Variants in SERINC2 observed in about 807,000 individuals in gnomAD.
SERINC2 encodes serine incorporator 2, also known as tumor differentially expressed protein 2.
SERINC2 carries 56 observed loss-of-function variants against 54.2 expected under a neutral mutation model. That is an observed-to-expected ratio of 1.03 (90% CI 0.83 to 1.29). SERINC2 has a LOEUF of 1.29. Among genes scored for constraint, SERINC2 ranks in the 50% most tolerant of loss-of-function variants. The probability of loss-of-function intolerance (pLI) is 0.00; values close to 1 mark genes in which losing one functional copy is unlikely to be tolerated. For synonymous variants in SERINC2, 272 were observed against 253.1 expected (o/e 1.07, Z -0.71); for missense variants, 614 against 607.4 (o/e 1.01, Z -0.12).
At chr1:31,421,835 C>T (rs751556006) in intron 1 of SERINC2, among the ~76,000 whole-genome samples, 7 of 151,994 alleles carry the variant, frequency 4.6e-5, no homozygotes, top group African/African-American at 7.3e-5. Context: ...TCATACTCAC[C>T]GCTGACTGTC....
chr1:31,428,857 G>A (rs1641114024), intron 6 of SERINC2, 121 bp from the exon 7 acceptor site: 1 of 752,602 alleles, frequency 1.3e-6, no homozygotes, highest in Non-Finnish European at 2.4e-6. Context: ...CCCTAAGTGG[G>A]GTGTGGTGGG....
intron 1 of SERINC2, among the ~76,000 whole-genome samples, chr1:31,419,957 C>T (rs782294550): frequency 8.5e-5 from 13 of 152,078 alleles, no homozygotes; most frequent in African/African-American, 1.2e-4. Flanking sequence ...TGCAGTGAGC[C>T]GAGATGGTAC....
Position 31,424,808 on chromosome 1 carries a change from CTT to C in SERINC2, c.331_332del (p.Phe111HisfsTer25). ...MCFATAAFFF[F>X]FTLLMLCVSS... is the part of the protein sequence containing the mutation. ...GCTTCGCCACGGCGGCCTTCTTCTT[CTT>C]TTTCACCCTGCTCATGCTCTGCGTG... is the stretch of plus-strand genomic sequence containing the variant. On this transcript the variant is annotated frameshift_variant, in exon 3 of 10. Transcript: ENST00000373709. LOFTEE classifies it high-confidence loss of function. 6.2e-7 allele frequency: 1 copy of C among 1,611,934 alleles called. No homozygotes were observed. Among genetic ancestry groups the C allele is most frequent in the Non-Finnish European group, 8.5e-7 (1 of 1,179,534 alleles).
rs200148919 is a variant in SERINC2, at chr1:31,425,879, G to A, written c.576G>A (p.Lys192=). 3.3e-5 allele frequency: 53 copies of A among 1,613,088 alleles called. No individual in the cohort carries two copies. In the African/African-American group the frequency reaches 6.0e-4, roughly 18 times the overall value. Residue 192 remains lysine (K), a synonymous_variant, in exon 5 of 10, where the codon AAG becomes AAA. Transcript: ENST00000373709. ...AHSWNQRWLG[K]AEECDSRAWY... ...CCTGGAACCAGCGGTGGCTGGGCAA[G>A]GCCGAGGAGTGCGATTCCCGTGCCT...
In SERINC2 at chr1:31,424,795, C is replaced by T. The variant is rs782635024; in HGVS notation, c.314C>T (p.Ala105Val). 13 of 1,612,170 alleles carry T rather than the reference C, an allele frequency of 8.1e-6. No homozygotes were observed. The highest frequency in any genetic ancestry group is 8.5e-6 in the Non-Finnish European group (10 of 1,179,456). ...RAVYRMCFAT[A>V]AFFFFFTLLM... ...GTCTACCGCATGTGCTTCGCCACGGCGGCCTTCTTCTTCTTTTTCACCCTG... is the reference window on the plus strand; with the variant it reads ...GTCTACCGCATGTGCTTCGCCACGGTGGCCTTCTTCTTCTTTTTCACCCTG... Residue 105 changes from alanine (A) to valine (V), a missense_variant, in exon 3 of 10, where the codon GCG becomes GTG. Coordinates refer to ENST00000373709, the MANE Select transcript of SERINC2 (RefSeq NM_178865.5).
chr1:31,424,904 G>A (rs1360294437), intron 3 of SERINC2, 31 bp downstream of exon 3: 2 of 1,579,698 alleles, frequency 1.3e-6, no homozygotes, highest in Non-Finnish European at 1.7e-6. Flanking sequence ...TGCACCCTGG[G>A]ACCTTCCCCC....
chr1:31,411,784 G>A (rs1640652299), upstream of SERINC2, among the ~76,000 whole-genome samples: 1 of 152,078 alleles, frequency 6.6e-6, no homozygotes, highest in Non-Finnish European at 1.5e-5. Flanking sequence ...GATTGCTTAA[G>A]CCCAGGAGTT....
At chr1:31,410,165 T>A, upstream of SERINC2, 1 of 1,432,504 alleles carries the variant, frequency 7.0e-7, no homozygotes, top group South Asian at 1.5e-5. Context: ...AGTGGTTGGG[T>A]GACTTGCCAG....
At chr1:31,411,731 C>T (rs1553131488), upstream of SERINC2, among the ~76,000 whole-genome samples, 3 of 152,044 alleles carry the variant, frequency 2.0e-5, no homozygotes. Context: ...GGTGCAGTGC[C>T]TCACATCTGT....
In SERINC2 at chr1:31,414,454, T is replaced by TGTGTGTGTGAGAGAGAGA. The variant is rs1553131931; in HGVS notation, c.39+1151_39+1152insTGTGTGTGAGAGAGAGAG. 1.4e-5 allele frequency: 10 copies of TGTGTGTGTGAGAGAGAGA among 732,980 alleles called. No homozygotes were observed. In the African/African-American group the frequency reaches 2.4e-4, roughly 17 times the overall value. 45.4% of individuals were successfully genotyped at this position (732,980 alleles called of 1,614,324 possible). ...GTGTGTGTGTGTGTGTGTGTGTGTG[T>TGTGTGTGTGAGAGAGAGA]GAGAGAGAGAGAGAGAGAGAGGAGG... On this transcript the variant is annotated intron_variant, in intron 1 of 9. Transcript: ENST00000373709.
chr1:31,417,818 T>C (rs576660720), intron 1 of SERINC2, among the ~76,000 whole-genome samples: 2 of 151,702 alleles, frequency 1.3e-5, no homozygotes, highest in South Asian at 4.2e-4. Flanking sequence ...CCCTGAGGGT[T>C]CATCCATGTT....
At chr1:31,432,093 C>CAGGGTGGTT (rs1641283095) in intron 8 of SERINC2, among the ~76,000 whole-genome samples, 2 of 16,546 alleles carry the variant, frequency 1.2e-4, no homozygotes, top group African/African-American at 3.4e-4. Flanking sequence ...TTAGGGTGGA[C>CAGGGTGGTT]AGGGTGGACA....
At chr1:31,416,320 G>A (rs782591972) in intron 1 of SERINC2, among the ~76,000 whole-genome samples, 38 of 152,206 alleles carry the variant, frequency 2.5e-4, no homozygotes, top group Non-Finnish European at 4.4e-4. Flanking sequence ...ACCCAGGGCT[G>A]CCTAACTATA....
chr1:31,430,678 A>G (rs1553134329), intron 8 of SERINC2, among the ~76,000 whole-genome samples: 1 of 152,214 alleles, frequency 6.6e-6, no homozygotes, highest in Non-Finnish European at 1.5e-5. Flanking sequence ...TATGAGCATA[A>G]TATTGTGAAC....
intron 9 of SERINC2, 42 bp downstream of exon 9, chr1:31,433,227 G>A: frequency 1.3e-6 from 2 of 1,536,360 alleles, no homozygotes; most frequent in Non-Finnish European, 1.8e-6. Context: ...GGAGGTGCAG[G>A]GTGCAGGTCC....
rs1570058492 is a variant in SERINC2, at chr1:31,429,684, A to G, written c.1013+146A>G. On this transcript the variant is annotated intron_variant, in intron 8 of 9. Transcript: ENST00000373709. ...GGTCTTGCATTGTGCGGGAGGGGAA[A>G]CTGAGTCCCTCAGAGGGCATGGCAT... The G allele has an allele frequency of 4.4e-6, 4 of 913,472 alleles. No homozygotes were observed. The African/African-American group carries it at 5.1e-5, about 12-fold the overall frequency. The allele number at this position is 913,472 out of a possible 1,614,324, so 56.6% of individuals were successfully genotyped here. A position where few individuals can be genotyped will look rare whatever the true frequency, so the allele number is the denominator to read the frequency against.
intron 1 of SERINC2, among the ~76,000 whole-genome samples, chr1:31,419,135 T>C (rs1300305354): frequency 6.6e-6 from 1 of 152,122 alleles, no homozygotes; most frequent in African/African-American, 2.4e-5. Flanking sequence ...AGGGGAGTGG[T>C]TGTAATCGTA....
At chr1:31,419,844 A>C (rs1031098047) in intron 1 of SERINC2, among the ~76,000 whole-genome samples, 8 of 151,116 alleles carry the variant, frequency 5.3e-5, no homozygotes, top group Non-Finnish European at 7.4e-5. Context: ...AAAAACCAAG[A>C]AACCAAAAAG....
intron 8 of SERINC2, 84 bp from the exon 9 acceptor site, chr1:31,432,883 T>C (rs7547845): frequency 0.92 from 1,040,482 of 1,127,710 alleles, 486,390 homozygotes; most frequent in Non-Finnish European, 0.97. Flanking sequence ...GTCGCTGGCC[T>C]CTGAGGCTCT....
Sources: allele counts gnomAD v4.1 joint callset (sites outside exome capture counted in the v4.1 genomes callset), GRCh38; gene constraint gnomAD v4.1.1; transcripts MANE v1.5; gene names NCBI Gene and HGNC (gene_info 2026-07-23, HGNC 2026-07-21).